DLG2: variants seen among roughly 807,000 people sequenced by gnomAD.
The protein encoded by DLG2 is disks large homolog 2.
A neutral mutation model predicts 132.5 loss-of-function variants in DLG2; 45 were observed. That is an observed-to-expected ratio of 0.34 (90% CI 0.27 to 0.44). DLG2 has a LOEUF of 0.44. DLG2 is among the 20% of genes least tolerant of loss of function. DLG2 has a pLI of 1.00. For synonymous variants in DLG2, 424 were observed against 419.6 expected (o/e 1.01, Z -0.13); for missense variants, 1,045 against 1,196.9 (o/e 0.87, Z 1.87).
intron 6 of DLG2, among the ~76,000 whole-genome samples, chr11:85,011,298 C>A (rs1394043689): frequency 6.6e-6 from 1 of 152,122 alleles, no homozygotes. Context: ...CTGAGAAAAA[C>A]ATACAGTAAA....
At chr11:84,366,351 G>A (rs1452774581) in intron 7 of DLG2, among the ~76,000 whole-genome samples, 3 of 151,942 alleles carry the variant, frequency 2.0e-5, no homozygotes, top group Non-Finnish European at 4.4e-5. Context: ...ACCAGCCGCT[G>A]CAAAATCATG....
chr11:83,775,188 G>A (rs976084980), intron 18 of DLG2, among the ~76,000 whole-genome samples: 1 of 152,120 alleles, frequency 6.6e-6, no homozygotes, highest in Non-Finnish European at 1.5e-5. Flanking sequence ...TTCCTTGTCT[G>A]ACAAATTTTG....
At chr11:84,684,354 T>C (rs2099736170) in intron 6 of DLG2, among the ~76,000 whole-genome samples, 1 of 152,208 alleles carries the variant, frequency 6.6e-6, no homozygotes, top group Non-Finnish European at 1.5e-5. Context: ...GGCCCATGTC[T>C]TGACTTCCTT....
rs191779043 is a variant in DLG2, at chr11:84,999,133, G to A, written c.357+112528C>T. Among the ~76,000 whole-genome samples, 165 of 152,022 alleles carry A rather than the reference G, an allele frequency of 1.1e-3. 1 individual carries two copies. Among genetic ancestry groups the A allele is most frequent in the African/African-American group, 3.7e-3 (154 of 41,478 alleles). On this transcript the variant is annotated intron_variant, in intron 6 of 27. Transcript: ENST00000376104. The stretch of plus-strand genomic sequence containing the variant: ...AGAATGATTGGCTCAGATTATATCT[G>A]ACCACTCTTGGATGAATCAATTATA...
At chr11:85,612,210 C>T (rs2081055319) in intron 2 of DLG2, among the ~76,000 whole-genome samples, 1 of 152,236 alleles carries the variant, frequency 6.6e-6, no homozygotes, top group Non-Finnish European at 1.5e-5. Context: ...TCAACAAGGG[C>T]ATAGCCCGAA....
chr11:84,506,079 C>CTGTTTTTTTTTTTTTTTTTTT, intron 7 of DLG2, among the ~76,000 whole-genome samples: 1 of 107,024 alleles, frequency 9.3e-6, no homozygotes, highest in African/African-American at 5.1e-5. Flanking sequence ...AGGCTCAGTT[C>CTGTTTTTTTTTTTTTTTTTTT]TTTTTTTTTT....
chr11:84,297,742 A>C (rs1185397273), intron 7 of DLG2, among the ~76,000 whole-genome samples: 2 of 152,010 alleles, frequency 1.3e-5, no homozygotes, highest in African/African-American at 4.8e-5. Flanking sequence ...CCATGCCCCC[A>C]GTCTACCTGA....
intron 6 of DLG2, among the ~76,000 whole-genome samples, chr11:84,620,750 A>G (rs2099612418): frequency 6.6e-6 from 1 of 152,128 alleles, no homozygotes; most frequent in East Asian, 1.9e-4. Context: ...AAACGCTTCT[A>G]GTAGGCAGAT....
rs1444721220 is a variant in DLG2, at chr11:84,351,410, C to CA, written c.520-100120dup. Among the ~76,000 whole-genome samples the CA allele has an allele frequency of 6.6e-5, 10 of 152,000 alleles. No homozygotes were observed. The East Asian group carries it at 1.9e-3, about 29-fold the overall frequency. ...TTATAAAACAAATTAAAATCCTCCT[C>CA]AAATAAGAGGCAAATATGCATACAT... On this transcript the variant is annotated intron_variant, in intron 7 of 27. Transcript: ENST00000376104.
rs139153339 is a variant in DLG2, at chr11:84,923,477, G to C, written c.357+188184C>G. ...GGGAATGAGCTCACTCAGGAAGGAG[G>C]GGGGGAAAGGTGAAGAATTGAAATT... On this transcript the variant is annotated intron_variant, in intron 6 of 27. Coordinates refer to ENST00000376104, the MANE Select transcript of DLG2 (RefSeq NM_001142699.3). 86 of 790,558 alleles carry C rather than the reference G, an allele frequency of 1.1e-4. 1 individual carries two copies. The East Asian group carries it at 3.9e-3, about 36-fold the overall frequency. 49.0% of individuals were successfully genotyped at this position (790,558 alleles called of 1,614,324 possible). A position where few individuals can be genotyped will look rare whatever the true frequency, so the allele number is the denominator to read the frequency against.
chr11:83,976,422 T>A (rs774513253), intron 12 of DLG2, among the ~76,000 whole-genome samples: 15 of 151,888 alleles, frequency 9.9e-5, no homozygotes, highest in African/African-American at 1.4e-4. Context: ...CATCATAGAA[T>A]CTAAATCATT....
intron 6 of DLG2, among the ~76,000 whole-genome samples, chr11:85,071,089 C>T (rs554530183): frequency 1.3e-5 from 2 of 151,950 alleles, no homozygotes; most frequent in South Asian, 2.1e-4. Flanking sequence ...TAGCGTTTAA[C>T]ACATAGAGTT....
intron 11 of DLG2, among the ~76,000 whole-genome samples, chr11:84,058,503 A>G (rs147638041): frequency 6.3e-4 from 21 of 33,494 alleles, no homozygotes; most frequent in African/African-American, 1.6e-3. Context: ...CAAAAAACAA[A>G]TACAATAATA....
chr11:84,819,559 TAA>T (rs138705542), intron 6 of DLG2, among the ~76,000 whole-genome samples: 1 of 148,836 alleles, frequency 6.7e-6, no homozygotes, highest in African/African-American at 2.5e-5. Flanking sequence ...GATAACCTGA[TAA>T]AAAAAAAATC....
chr11:83,959,758 C>G (rs1347117749), intron 14 of DLG2, among the ~76,000 whole-genome samples: 5 of 152,018 alleles, frequency 3.3e-5, no homozygotes, highest in African/African-American at 1.2e-4. Context: ...TGAAAACAGA[C>G]AGACCTGAAT....
intron 7 of DLG2, among the ~76,000 whole-genome samples, chr11:84,257,044 C>A (rs1185136789): frequency 6.6e-6 from 1 of 152,164 alleles, no homozygotes; most frequent in African/African-American, 2.4e-5. Flanking sequence ...ACCCCATCAA[C>A]TTTGAAGTAA....
At chr11:83,689,961 AAT>A (rs1337276198) in intron 18 of DLG2, among the ~76,000 whole-genome samples, 1 of 126,634 alleles carries the variant, frequency 7.9e-6, no homozygotes, top group African/African-American at 2.9e-5. Context: ...ATATTTATAT[AAT>A]ATATATTTAT....
intron 21 of DLG2, among the ~76,000 whole-genome samples, chr11:83,502,325 C>T (rs1021357651): frequency 6.6e-6 from 1 of 152,146 alleles, no homozygotes; most frequent in Non-Finnish European, 1.5e-5. Context: ...TTATACGATA[C>T]TACCTTTTCT....
intron 6 of DLG2, among the ~76,000 whole-genome samples, chr11:84,816,700 C>G (rs905908912): frequency 6.6e-6 from 1 of 151,882 alleles, no homozygotes; most frequent in African/African-American, 2.4e-5. Context: ...TGCTCAAGAT[C>G]ACATTGCTAG....
Sources: gnomAD v4.1 joint callset for allele counts (sites outside exome capture counted in the v4.1 genomes callset) on GRCh38, gnomAD v4.1.1 for gene constraint, MANE v1.5 for transcripts, NCBI Gene and HGNC (gene_info 2026-07-23, HGNC 2026-07-21) for gene names.